NBEA: variants seen among roughly 807,000 people sequenced by gnomAD.
NBEA encodes the protein neurobeachin, also known as lysosomal-trafficking regulator 2.
In NBEA, 44 loss-of-function variants were observed where a neutral mutation model predicts 343.4. The observed-to-expected ratio is 0.13, with a 90% confidence interval of 0.10 to 0.16. The LOEUF is 0.16. Among genes scored for constraint, NBEA ranks in the 10% least tolerant of loss-of-function variants. The pLI, the probability that NBEA is intolerant of heterozygous loss-of-function variation, is 1.00. For synonymous variants in NBEA, 1,175 were observed against 1,238.7 expected, an observed-to-expected ratio of 0.95 and a Z score of 1.08; for missense variants, 2,555 against 3,631.3, an observed-to-expected ratio of 0.70 and a Z score of 7.62.
In NBEA at chr13:35,159,625, C is replaced by A. The variant is rs572561474; in HGVS notation, c.3454C>A (p.Pro1152Thr). 3 of 1,610,916 alleles carry A rather than the reference C, an allele frequency of 1.9e-6. No individual in the cohort carries two copies. In the South Asian group the frequency reaches 3.3e-5, roughly 18 times the overall value. ...TACATCATTTCTCTTTGATAAAATACCCAAACAGGAGGAAAAACTACTTCC... is the reference window on the plus strand; with the variant it reads ...TACATCATTTCTCTTTGATAAAATAACCAAACAGGAGGAAAAACTACTTCC... The part of the protein sequence containing the change: ...SSTSFLFDKI[P>T]KQEEKLLPEL... Residue 1152 changes from proline to threonine, a missense_variant, in exon 22 of 59, where the codon CCC becomes ACC. Coordinates refer to ENST00000379939, the MANE Select transcript of NBEA (RefSeq NM_001385012.1).
chr13:35,115,184 C>G (rs901192519), intron 13 of NBEA, among the ~76,000 whole-genome samples: 6 of 152,012 alleles, frequency 3.9e-5, no homozygotes, highest in Non-Finnish European at 8.8e-5. Context: ...TGTTACCAGT[C>G]TTGTATATCT....
At position 35,105,439 on chromosome 13, in the gene NBEA, C is replaced by A. The variant is rs377303384; in HGVS notation, c.1681-3851C>A. 5.9e-5 allele frequency among the ~76,000 whole-genome samples: 9 copies of A among 152,082 alleles called. No homozygotes were observed. The South Asian group carries it at 1.5e-3, about 25-fold the overall frequency. ...AGGTTTTATCTATATCTCTGCTGTA[C>A]CAGCTACAGTGTTGATTTTATGCTA... On this transcript the variant is annotated intron_variant, in intron 11 of 58. Coordinates refer to ENST00000379939, the MANE Select transcript of NBEA (RefSeq NM_001385012.1).
At chr13:35,147,781 T>C (rs1371215406) in intron 18 of NBEA, among the ~76,000 whole-genome samples, 2 of 152,276 alleles carry the variant, frequency 1.3e-5, no homozygotes, top group East Asian at 1.9e-4. Context: ...TTGGTTCCCT[T>C]AAAGGAAAGG....
At chr13:35,002,302 A>T (rs2061168248) in intron 1 of NBEA, among the ~76,000 whole-genome samples, 1 of 152,186 alleles carries the variant, frequency 6.6e-6, no homozygotes, top group African/African-American at 2.4e-5. Flanking sequence ...GTTTGGTCCT[A>T]CAATGGGGAA....
chr13:35,513,146 T>G (rs893322032), intron 41 of NBEA, among the ~76,000 whole-genome samples: 2 of 151,200 alleles, frequency 1.3e-5, no homozygotes, highest in Non-Finnish European at 3.0e-5. Flanking sequence ...TTTTCTTTTT[T>G]TTTTTTTTAA....
At chr13:35,604,171 C>T (rs1400914030) in intron 47 of NBEA, among the ~76,000 whole-genome samples, 1 of 152,182 alleles carries the variant, frequency 6.6e-6, no homozygotes, top group East Asian at 1.9e-4. Flanking sequence ...CTGAAGTGCC[C>T]TTTAGCCTGT....
At chr13:35,482,328 T>G (rs1268801991) in intron 41 of NBEA, among the ~76,000 whole-genome samples, 1 of 151,576 alleles carries the variant, frequency 6.6e-6, no homozygotes, top group African/African-American at 2.4e-5. Context: ...TATCTTTACA[T>G]ATAAGTATAG....
intron 10 of NBEA, among the ~76,000 whole-genome samples, chr13:35,091,441 A>T (rs183369992): frequency 6.6e-6 from 1 of 152,108 alleles, no homozygotes; most frequent in East Asian, 1.9e-4. Flanking sequence ...TACAAGTTGT[A>T]GCTGCTACAA....
intron 34 of NBEA, among the ~76,000 whole-genome samples, chr13:35,280,657 T>A (rs1417956252): frequency 1.3e-5 from 2 of 152,136 alleles, no homozygotes; most frequent in African/African-American, 4.8e-5. Flanking sequence ...CTCCAGCAGA[T>A]GGAACATAAC....
chr13:35,062,294 T>C (rs2063494853), intron 8 of NBEA, among the ~76,000 whole-genome samples: 1 of 151,668 alleles, frequency 6.6e-6, no homozygotes, highest in Non-Finnish European at 1.5e-5. Context: ...TAAATGAACT[T>C]GAATATAGAT....
chr13:35,643,181 C>T (rs186753482), intron 49 of NBEA, among the ~76,000 whole-genome samples: 4 of 151,422 alleles, frequency 2.6e-5, no homozygotes, highest in Non-Finnish European at 5.9e-5. Flanking sequence ...CAAGCTAATT[C>T]TTACTTAATC....
chr13:35,279,365 T>C lies in NBEA; in HGVS notation c.5777-11024T>C, dbSNP rs1416501848. Among the ~76,000 whole-genome samples, 9 of 152,330 alleles carry C rather than the reference T, an allele frequency of 5.9e-5. 1 individual carries two copies. Among genetic ancestry groups the C allele is most frequent in the African/African-American group, 2.2e-4 (9 of 41,578 alleles). On this transcript the variant is annotated intron_variant, in intron 34 of 58. Coordinates refer to ENST00000379939, the MANE Select transcript of NBEA (RefSeq NM_001385012.1). Reference sequence around the variant, plus strand: ...CTTAGCTCAAGTTTACACAGCTAGTTTGTAGAGACTACATTAAAACCAGAT... The same window carrying C: ...CTTAGCTCAAGTTTACACAGCTAGTCTGTAGAGACTACATTAAAACCAGAT...
chr13:35,501,654 T>G (rs965886680), intron 41 of NBEA, among the ~76,000 whole-genome samples: 6 of 152,160 alleles, frequency 3.9e-5, no homozygotes, highest in Admixed American at 3.3e-4. Flanking sequence ...CACTAATAAA[T>G]AACCTACCTC....
At chr13:35,318,458 A>C (rs2037899758) in intron 36 of NBEA, among the ~76,000 whole-genome samples, 1 of 152,100 alleles carries the variant, frequency 6.6e-6, no homozygotes, top group Admixed American at 6.5e-5. Context: ...AGCCAACTTG[A>C]TCGTGGTGGA....
At chr13:35,170,291 A>T (rs369842617) in intron 25 of NBEA, among the ~76,000 whole-genome samples, 1 of 151,750 alleles carries the variant, frequency 6.6e-6, no homozygotes, top group East Asian at 1.9e-4. Context: ...ACATATGCTA[A>T]CCTTGTAGTT....
At chr13:35,272,320 T>A (rs559473521) in intron 34 of NBEA, among the ~76,000 whole-genome samples, 1 of 152,256 alleles carries the variant, frequency 6.6e-6, no homozygotes, top group South Asian at 2.1e-4. Flanking sequence ...GATTTTGTCA[T>A]CACCAGGCCC....
intron 1 of NBEA, among the ~76,000 whole-genome samples, chr13:34,949,514 A>G (rs1447851180): frequency 6.6e-6 from 1 of 152,194 alleles, no homozygotes; most frequent in East Asian, 1.9e-4. Flanking sequence ...ATGGAGGCTA[A>G]TAAGTGAGAT....
chr13:35,196,673 G>T (rs1210006957), intron 31 of NBEA, among the ~76,000 whole-genome samples: 51 of 152,016 alleles, frequency 3.4e-4, no homozygotes, highest in Admixed American at 3.2e-3. Flanking sequence ...TCCTGGCTCT[G>T]AAATTCCATT....
rs554354888 is a variant in NBEA at position 35,658,190 on chromosome 13, A to T, written c.8362+2441A>T. ...AAAAGCAGTGTCATATTTTAGTTTT[A>T]AGTAAGGACAAGATTATCTTAAAGA... On this transcript the variant is annotated intron_variant, in intron 55 of 58. Transcript: ENST00000379939. Among the ~76,000 whole-genome samples, 804 of 152,284 alleles carry T rather than the reference A, an allele frequency of 5.3e-3. 5 individuals carry two copies. Among genetic ancestry groups the T allele is most frequent in the African/African-American group, 0.017 (718 of 41,580 alleles).
Sources: gnomAD v4.1 joint callset for allele counts (sites outside exome capture counted in the v4.1 genomes callset) on GRCh38, gnomAD v4.1.1 for gene constraint, MANE v1.5 for transcripts, NCBI Gene and HGNC (gene_info 2026-07-23, HGNC 2026-07-21) for gene names.